Variants in ZFC3H1 observed in about 807,000 individuals in gnomAD.
The protein encoded by ZFC3H1 is zinc finger C3H1 domain-containing protein.
A neutral mutation model predicts 243.7 loss-of-function variants in ZFC3H1; 71 were observed. The ratio of observed to expected loss-of-function variants is 0.29; its 90% confidence interval spans 0.24 to 0.36. ZFC3H1 has a LOEUF of 0.36. Among genes scored for constraint, ZFC3H1 ranks in the 10% least tolerant of loss-of-function variants. The pLI, the probability that ZFC3H1 is intolerant of heterozygous loss-of-function variation, is 1.00. For synonymous variants in ZFC3H1, 838 were observed against 813.0 expected, an observed-to-expected ratio of 1.03 and a Z score of -0.52; for missense variants, 1,966 against 2,317.1, an observed-to-expected ratio of 0.85 and a Z score of 3.11.
chr12:71,614,881 T>C lies in ZFC3H1; in HGVS notation c.5313A>G (p.Ala1771=), dbSNP rs1180118517. 6 of 1,613,838 alleles carry C rather than the reference T, an allele frequency of 3.7e-6. No individual in the cohort carries two copies. Among genetic ancestry groups the C allele is most frequent in the African/African-American group, 2.7e-5 (2 of 74,920 alleles). Residue 1771 remains alanine (A), a synonymous_variant, in exon 29 of 35, where the codon GCA becomes GCG. Transcript: ENST00000378743. ...TATCACATCTCATAGCCACCCCTAA[T>C]GCTGCCTCATATGCCTCCACTGTTT... is the stretch of plus-strand genomic sequence containing the variant. The part of the protein sequence containing the change: ...IKETVEAYEA[A]LGVAMRCDIV...
At chr12:71,653,370 C>T (rs1441521959) in intron 2 of ZFC3H1, among the ~76,000 whole-genome samples, 1 of 152,026 alleles carries the variant, frequency 6.6e-6, no homozygotes, top group Non-Finnish European at 1.5e-5. Context: ...GTGACAGAAA[C>T]TTAGAGAAAT....
chr12:71,633,318 T>A lies in ZFC3H1; in HGVS notation c.2631A>T (p.Ala877=), dbSNP rs1398357078. ...KITKLTEQLQ[A]TEKILNVNRM... ...TGTTAACATTAAGAATTTTTTCAGT[T>A]GCTTGAAGCTGTTCTGTAAGTTTTG... The change falls in exon 13 of 35, where the codon GCA becomes GCT. Residue 877 remains alanine, a synonymous_variant. Transcript: ENST00000378743. 1 of 1,594,934 alleles carries A rather than the reference T, an allele frequency of 6.3e-7. No individual in the cohort carries two copies. Among genetic ancestry groups the A allele is most frequent in the Non-Finnish European group, 8.5e-7 (1 of 1,173,642 alleles).
chr12:71,619,516 C>A, intron 26 of ZFC3H1, 107 bp from the exon 27 acceptor site: 1 of 1,029,660 alleles, frequency 9.7e-7, no homozygotes, highest in Non-Finnish European at 1.4e-6. Context: ...GATTAAGTTT[C>A]TTGAGTGGGT....
rs1880771414 is a variant in ZFC3H1, at chr12:71,648,037, T to C, written c.1016-224A>G. On this transcript the variant is annotated intron_variant, in intron 2 of 34. Transcript: ENST00000378743. ...TTATAAGGCAAAATGATTCAAAATA[T>C]TAAAATAAAGCCACACTTTTAATAA... Among the ~76,000 whole-genome samples, 4 of 152,254 alleles carry C rather than the reference T, an allele frequency of 2.6e-5. No individual in the cohort carries two copies. The South Asian group carries it at 8.3e-4, about 32-fold the overall frequency.
At chr12:71,628,842 G>C in intron 20 of ZFC3H1, 76 bp downstream of exon 20, 1 of 1,461,364 alleles carries the variant, frequency 6.8e-7, no homozygotes, top group Non-Finnish European at 9.0e-7. Context: ...ATACACCAAA[G>C]GATTAGCAAA....
intron 8 of ZFC3H1, 86 bp from the exon 9 acceptor site, chr12:71,636,740 A>C: frequency 3.2e-6 from 5 of 1,556,456 alleles, no homozygotes; most frequent in Non-Finnish European, 4.3e-6. Flanking sequence ...TGTTAGAATT[A>C]TCCCCACTTT....
rs1020171538 is a variant in ZFC3H1 at position 71,634,450 on chromosome 12, A to G, written c.2361-146T>C. The stretch of plus-strand genomic sequence containing the variant: ...ACCAATATGCAAGACCCAAGTCAGC[A>G]TTCAAAGTTGATAGTGGAGTCCTTC... On this transcript the variant is annotated intron_variant, in intron 11 of 34. Transcript: ENST00000378743. The G allele has an allele frequency of 2.7e-6, 3 of 1,115,882 alleles. No individual in the cohort carries two copies. In the African/African-American group the frequency reaches 4.7e-5, roughly 18 times the overall value. 69.1% of individuals were successfully genotyped at this position (1,115,882 alleles called of 1,614,324 possible). A position where few individuals can be genotyped will look rare whatever the true frequency, so the allele number is the denominator to read the frequency against.
intron 11 of ZFC3H1, among the ~76,000 whole-genome samples, 191 bp downstream of exon 11, chr12:71,634,513 G>A (rs1363351579): frequency 1.3e-5 from 2 of 152,070 alleles, no homozygotes; most frequent in Non-Finnish European, 2.9e-5. Context: ...AGCTGGTTAT[G>A]TCCTAGCACA....
At chr12:71,656,557 G>A in intron 2 of ZFC3H1, 1 of 645,184 alleles carries the variant, frequency 1.5e-6, no homozygotes, top group South Asian at 1.8e-5. Flanking sequence ...TACCCGATAA[G>A]GGATACCTAC....
chr12:71,662,256 C>T (rs1437664072), intron 1 of ZFC3H1, among the ~76,000 whole-genome samples: 7 of 152,324 alleles, frequency 4.6e-5, no homozygotes, highest in South Asian at 2.1e-4. Context: ...CCTTTCTCAA[C>T]TTACCCGTAA....
intron 4 of ZFC3H1, 69 bp from the exon 5 acceptor site, chr12:71,644,387 AT>A: frequency 6.7e-7 from 1 of 1,483,370 alleles, no homozygotes; most frequent in Admixed American, 2.2e-5. Context: ...GTCTTAAAAA[AT>A]ATTTTCATTA....
At chr12:71,654,167 T>G (rs1880960110) in intron 2 of ZFC3H1, among the ~76,000 whole-genome samples, 1 of 152,128 alleles carries the variant, frequency 6.6e-6, no homozygotes, top group Non-Finnish European at 1.5e-5. Context: ...GCACAGAGCA[T>G]GGTGGCTCAC....
intron 17 of ZFC3H1, 39 bp from the exon 18 acceptor site, chr12:71,630,760 A>G (rs749694289): frequency 1.2e-6 from 2 of 1,609,346 alleles, no homozygotes; most frequent in South Asian, 1.1e-5. Context: ...AATCATGTAC[A>G]TATCAAAGTT....
At position 71,632,970 on chromosome 12, in the gene ZFC3H1, T is replaced by A. The variant is rs752182317; in HGVS notation, c.2733A>T (p.Leu911=). The A allele has an allele frequency of 2.5e-6, 4 of 1,613,234 alleles. No individual in the cohort carries two copies. Among genetic ancestry groups the A allele is most frequent in the Non-Finnish European group, 3.4e-6 (4 of 1,179,754 alleles). Residue 911 remains leucine, a synonymous_variant, in exon 14 of 35, where the codon CTA becomes CTT. Transcript: ENST00000378743. The part of the protein sequence containing the change: ...QRVTIKKALT[L]KYGEELARAK... Reference sequence around the variant, plus strand: ...CCCGAGCAAGCTCTTCTCCATATTTTAGAGTCAAAGCTTTCTTAATTGTAA... The same window carrying A: ...CCCGAGCAAGCTCTTCTCCATATTTAAGAGTCAAAGCTTTCTTAATTGTAA...
intron 24 of ZFC3H1, among the ~76,000 whole-genome samples, chr12:71,622,755 C>T (rs1381244009): frequency 6.6e-6 from 1 of 152,168 alleles, no homozygotes; most frequent in Non-Finnish European, 1.5e-5. Context: ...CCACTGTGCC[C>T]GGCCCTAGTC....
Position 71,642,445 on chromosome 12 carries a change from TG to T in ZFC3H1, c.1617del (p.Ser540ValfsTer41). On this transcript the variant is annotated frameshift_variant, in exon 6 of 35. Coordinates refer to ENST00000378743, the MANE Select transcript of ZFC3H1 (RefSeq NM_144982.5). LOFTEE classifies it high-confidence loss of function. ...EEVAMDTDSE[T>X]SSPAPSPVQP... is the part of the protein sequence containing the mutation. ...AAGTTTTGGCTCATACCTGGAGAAC[TG>T]GTTTCACTATCTGTATCCATAGCAA... 1 of 1,612,136 alleles carries T rather than the reference TG, an allele frequency of 6.2e-7. No individual in the cohort carries two copies. The highest frequency in any genetic ancestry group is 8.5e-7 in the Non-Finnish European group (1 of 1,179,148).
intron 33 of ZFC3H1, 58 bp from the exon 34 acceptor site, chr12:71,610,815 A>G (rs1391331250): frequency 1.3e-5 from 20 of 1,531,484 alleles, no homozygotes; most frequent in Non-Finnish European, 1.7e-5. Flanking sequence ...ACACCTTCAT[A>G]ATTCCATCTG....
rs766346014 is a variant in ZFC3H1 at position 71,632,486 on chromosome 12, G to A, written c.2846C>T (p.Ser949Phe). 1 of 1,589,232 alleles carries A rather than the reference G, an allele frequency of 6.3e-7. No individual in the cohort carries two copies. The change falls in exon 15 of 35, where the codon TCT becomes TTT. Residue 949 changes from serine (S) to phenylalanine (F), a missense_variant. Coordinates refer to ENST00000378743, the MANE Select transcript of ZFC3H1 (RefSeq NM_144982.5). ...GPNKMMRLDS[S>F]PVSSPRKHSA... ...ATGCTTTCTTGGACTTGATACTGGA[G>A]AACTGTCCAGTCTCATCATTTTGTT... is the stretch of plus-strand genomic sequence containing the variant.
rs1476842069 is a variant in ZFC3H1, at chr12:71,611,675, A to AT, written c.5729+110_5729+111insA. 3.8e-3 allele frequency: 631 copies of AT among 164,272 alleles called. 2 individuals carry two copies. The highest frequency in any genetic ancestry group is 7.6e-3 in the African/African-American group (284 of 37,262). 10.2% of individuals were successfully genotyped at this position (164,272 alleles called of 1,614,324 possible). A position where few individuals can be genotyped will look rare whatever the true frequency, so the allele number is the denominator to read the frequency against. On this transcript the variant is annotated intron_variant, in intron 32 of 34. Transcript: ENST00000378743. The stretch of plus-strand genomic sequence containing the variant: ...ATCTGTCCAGGAAAAAAAAAAAAAA[A>AT]AATATATATATATATATATATATAG...
Sources: allele counts gnomAD v4.1 joint callset (sites outside exome capture counted in the v4.1 genomes callset), GRCh38; gene constraint gnomAD v4.1.1; transcripts MANE v1.5; gene names NCBI Gene and HGNC (gene_info 2026-07-23, HGNC 2026-07-21).